Variants in SESTD1 observed in about 807,000 individuals in gnomAD.
SESTD1 encodes SEC14 and spectrin domain containing 1.
SESTD1 carries 43 observed loss-of-function variants against 101.7 expected under a neutral mutation model. That is an observed-to-expected ratio of 0.42 (90% CI 0.33 to 0.55). The LOEUF (loss-of-function observed/expected upper bound fraction) is 0.55. Ranked by LOEUF, SESTD1 falls within the 20% of genes least tolerant of loss-of-function variation. SESTD1 has a pLI of 0.07. For synonymous variants in SESTD1, 283 were observed against 286.8 expected, an observed-to-expected ratio of 0.99 and a Z score of 0.13; for missense variants, 647 against 815.1, an observed-to-expected ratio of 0.79 and a Z score of 2.51.
intron 10 of SESTD1, among the ~76,000 whole-genome samples, chr2:179,126,489 A>C (rs930026902): frequency 1.3e-5 from 2 of 152,086 alleles, no homozygotes; most frequent in African/African-American, 4.8e-5. Context: ...TCAGTTTTCC[A>C]GAGGCTCTCT....
chr2:179,138,643 C>T (rs1162638595), intron 9 of SESTD1, among the ~76,000 whole-genome samples: 3 of 151,964 alleles, frequency 2.0e-5, no homozygotes, highest in Non-Finnish European at 4.4e-5. Flanking sequence ...AAAGGCATTG[C>T]AACTTCACAC....
chr2:179,196,863 C>A (rs971088253), intron 1 of SESTD1, among the ~76,000 whole-genome samples: 2 of 152,294 alleles, frequency 1.3e-5, no homozygotes, highest in African/African-American at 4.8e-5. Context: ...GGGGAAAAAA[C>A]AGAGAAGAAA....
At position 179,111,574 on chromosome 2, in the gene SESTD1, C is replaced by T. The variant is rs17363197; in HGVS notation, c.1961+1150G>A. On this transcript the variant is annotated intron_variant, in intron 17 of 17. Coordinates refer to ENST00000428443, the MANE Select transcript of SESTD1 (RefSeq NM_178123.5). ...CTCCAGAGTGCACAGACTCATCACA[C>T]TATACCACAACGTTAAAGGTACTTG... Among the ~76,000 whole-genome samples, 1,437 of 152,286 alleles carry T rather than the reference C, an allele frequency of 9.4e-3. 13 individuals are homozygous for T. The highest frequency in any genetic ancestry group is 0.015 in the Non-Finnish European group (1,008 of 68,010).
chr2:179,197,966 C>A (rs1283576760), intron 1 of SESTD1, among the ~76,000 whole-genome samples: 1 of 151,824 alleles, frequency 6.6e-6, no homozygotes, highest in Non-Finnish European at 1.5e-5. Context: ...ACAATATTAA[C>A]TTTAAATGTA....
At chr2:179,227,779 G>A (rs933190526) in intron 1 of SESTD1, among the ~76,000 whole-genome samples, 5 of 152,048 alleles carry the variant, frequency 3.3e-5, no homozygotes, top group African/African-American at 1.2e-4. Flanking sequence ...AATTTTGGGG[G>A]GAAAATGAGC....
At chr2:179,196,941 G>T (rs1467544329) in intron 1 of SESTD1, among the ~76,000 whole-genome samples, 1 of 152,190 alleles carries the variant, frequency 6.6e-6, no homozygotes, top group African/African-American at 2.4e-5. Flanking sequence ...AACAACAACG[G>T]AACAAAGCTG....
rs908160843 is a variant in SESTD1 at position 179,116,742 on chromosome 2, T to C, written c.1573A>G (p.Ile525Val). Residue 525 changes from isoleucine to valine, a missense_variant, in exon 15 of 18, where the codon ATC becomes GTC. Around this residue, in one of 3 missense-constraint regions of SESTD1, gnomAD observed 476 missense variants for 562.6 expected, o/e 0.85. Coordinates refer to ENST00000428443, the MANE Select transcript of SESTD1 (RefSeq NM_178123.5). ...TCTTGAGCATCATCGCCCAATCTGATGTGAGTCTTAAGCAGAGCATCCAGA... is the reference window on the plus strand; with the variant it reads ...TCTTGAGCATCATCGCCCAATCTGACGTGAGTCTTAAGCAGAGCATCCAGA... Reference protein sequence around the residue: ...ELLDALLKTHIRLGDDAQETK... With the variant: ...ELLDALLKTHVRLGDDAQETK... 1.4e-5 allele frequency: 23 copies of C among 1,614,048 alleles called. No homozygotes were observed. Among genetic ancestry groups the C allele is most frequent in the Middle Eastern group, 1.6e-4 (1 of 6,082 alleles).
At chr2:179,117,160 C>T (rs1490186775) in intron 14 of SESTD1, among the ~76,000 whole-genome samples, 1 of 152,070 alleles carries the variant, frequency 6.6e-6, no homozygotes, top group African/African-American at 2.4e-5. Flanking sequence ...ATGATAACGA[C>T]AAAATATATC....
At chr2:179,222,911 T>A (rs1439154569) in intron 1 of SESTD1, among the ~76,000 whole-genome samples, 7 of 152,130 alleles carry the variant, frequency 4.6e-5, no homozygotes, top group African/African-American at 1.4e-4. Context: ...TAAAAACACT[T>A]AAATAGCAGA....
chr2:179,150,422 CAAATGA>C (rs909476192), intron 6 of SESTD1, among the ~76,000 whole-genome samples: 2 of 151,650 alleles, frequency 1.3e-5, no homozygotes, highest in African/African-American at 4.8e-5. Flanking sequence ...TACATTTTCA[CAAATGA>C]AAATGCTTAA....
intron 1 of SESTD1, among the ~76,000 whole-genome samples, chr2:179,211,373 G>T (rs1451749976): frequency 7.5e-6 from 1 of 133,198 alleles, no homozygotes; most frequent in Non-Finnish European, 1.6e-5. Context: ...TAAGCAAAAA[G>T]AACAAATCTG....
In SESTD1 at chr2:179,201,337, A is replaced by G. The variant is rs1157855019; in HGVS notation, c.-25-9471T>C. Among the ~76,000 whole-genome samples, 2 of 126,080 alleles carry G rather than the reference A, an allele frequency of 1.6e-5. 1 individual carries two copies. Among genetic ancestry groups the G allele is most frequent in the Non-Finnish European group, 3.3e-5 (2 of 61,466 alleles). The allele number at this position is 126,080 out of a possible 152,430, so 82.7% of individuals were successfully genotyped here. On this transcript the variant is annotated intron_variant, in intron 1 of 17. Coordinates refer to ENST00000428443, the MANE Select transcript of SESTD1 (RefSeq NM_178123.5). ...TACACTGTTGGTGGGACTGTGAACT[A>G]GTTCAACCATTGTGGAAGTCAGTGT...
At chr2:179,170,939 T>C (rs1317493301) in intron 5 of SESTD1, among the ~76,000 whole-genome samples, 1 of 152,244 alleles carries the variant, frequency 6.6e-6, no homozygotes, top group East Asian at 1.9e-4. Flanking sequence ...GTTGTTCATC[T>C]ATATTCTTTA....
Position 179,103,042 on chromosome 2 carries a change from T to C in SESTD1, c.*6857A>G, listed in dbSNP as rs953631862. 4 of 152,106 alleles carry C rather than the reference T, an allele frequency of 2.6e-5. No homozygotes were observed. Among genetic ancestry groups the C allele is most frequent in the African/African-American group, 4.8e-5 (2 of 41,424 alleles). The allele number at this position is 152,106 out of a possible 1,614,324, so 9.4% of individuals were successfully genotyped here. On this transcript the variant is annotated 3_prime_UTR_variant, in exon 18 of 18. Coordinates refer to ENST00000428443, the MANE Select transcript of SESTD1 (RefSeq NM_178123.5). ...ATAACCTTTTCTGTTCAATGATCAG[T>C]CTTACTTTACCTACTGAAAACGGGT... is the stretch of plus-strand genomic sequence containing the variant.
At chr2:179,257,916 A>C (rs1412767152) in intron 1 of SESTD1, among the ~76,000 whole-genome samples, 16 of 152,212 alleles carry the variant, frequency 1.1e-4, no homozygotes, top group Non-Finnish European at 4.4e-5. Context: ...TATAGGAGAC[A>C]CATAACCACC....
intron 10 of SESTD1, among the ~76,000 whole-genome samples, chr2:179,125,991 C>T (rs1201150687): frequency 2.0e-5 from 3 of 152,192 alleles, no homozygotes; most frequent in African/African-American, 7.2e-5. Flanking sequence ...CAAAGCTTTG[C>T]TCTCACAGTT....
Position 179,146,430 on chromosome 2 carries a change from C to G in SESTD1, c.609G>C (p.Ser203=), listed in dbSNP as rs756012108. 1.2e-6 allele frequency: 2 copies of G among 1,612,266 alleles called. No homozygotes were observed. The highest frequency in any genetic ancestry group is 1.7e-6 in the Non-Finnish European group (2 of 1,179,376). Residue 203 remains serine (S), a synonymous_variant, in exon 8 of 18, where the codon TCG becomes TCC. Coordinates refer to ENST00000428443, the MANE Select transcript of SESTD1 (RefSeq NM_178123.5). ...ERSVDLNFLP[S]VDPETVLQTG... is the part of the protein sequence containing the mutation. ...TCTGAAGAACTGTTTCAGGATCAACCGATGGAAGAAAGTTTAAATCCACAG... is the reference window on the plus strand; with the variant it reads ...TCTGAAGAACTGTTTCAGGATCAACGGATGGAAGAAAGTTTAAATCCACAG...
At chr2:179,176,586 G>A (rs963772214) in intron 3 of SESTD1, 48 bp from the exon 4 acceptor site, 9 of 1,481,048 alleles carry the variant, frequency 6.1e-6, no homozygotes, top group South Asian at 3.5e-5. Flanking sequence ...TCCAGATTTC[G>A]TTCTTCATAA....
chr2:179,151,728 T>C (rs2045534771), intron 5 of SESTD1, among the ~76,000 whole-genome samples: 1 of 152,156 alleles, frequency 6.6e-6, no homozygotes, highest in Admixed American at 6.5e-5. Context: ...TTTCACATCA[T>C]CTTAAAATTA....
Sources: allele counts gnomAD v4.1 joint callset (sites outside exome capture counted in the v4.1 genomes callset), GRCh38; gene constraint gnomAD v4.1.1; regional missense constraint gnomAD v4.1.1; transcripts MANE v1.5; gene names NCBI Gene and HGNC (gene_info 2026-07-23, HGNC 2026-07-21).